The following OR3A2 variants were observed in gnomAD, a reference collection of about 807,000 sequenced individuals.
The protein encoded by OR3A2 is olfactory receptor family 3 subfamily A member 2.
For missense variants in OR3A2, 318 were observed against 392.8 expected (o/e 0.81, Z 1.61); for synonymous variants, 126 against 159.3 (o/e 0.79, Z 1.57).
At chr17:3,379,383 AG>A (rs1317979619) in intron 2 of OR3A2, among the ~76,000 whole-genome samples, 1 of 152,172 alleles carries the variant, frequency 6.6e-6, no homozygotes, top group Non-Finnish European at 1.5e-5. Context: ...CAGCTGGACA[AG>A]GCTGAGATCC....
chr17:3,358,150 T>TA lies in OR3A2; in HGVS notation c.-178-22025dup, dbSNP rs1444309067. 2.0e-5 allele frequency among the ~76,000 whole-genome samples: 3 copies of TA among 151,646 alleles called. 1 individual carries two copies. The highest frequency in any genetic ancestry group is 1.3e-4 in the Admixed American group (2 of 15,236). ...GGGCTGAATTATATCATATAACCAC[T>TA]AAAAAAATTAAATTAGCAATTTAAA... On this transcript the variant is annotated intron_variant, in intron 2 of 4. Transcript: ENST00000573491.
At chr17:3,276,278 T>C (rs1262782113), downstream of OR3A2, among the ~76,000 whole-genome samples, 1 of 152,184 alleles carries the variant, frequency 6.6e-6, no homozygotes, top group Non-Finnish European at 1.5e-5. Context: ...GTCTTCATTA[T>C]GTAAAAGATT....
chr17:3,332,444 G>T (rs1169100677), intron 3 of OR3A2, among the ~76,000 whole-genome samples: 1 of 152,244 alleles, frequency 6.6e-6, no homozygotes, highest in Non-Finnish European at 1.5e-5. Flanking sequence ...GCAATATTCG[G>T]GTGGGAGTGA....
At chr17:3,297,535 A>T (rs571812217) in intron 3 of OR3A2, among the ~76,000 whole-genome samples, 2 of 148,296 alleles carry the variant, frequency 1.3e-5, no homozygotes, top group East Asian at 1.9e-4. Context: ...CCCATCTCAT[A>T]TTCCTGTCCA....
At chr17:3,294,955 G>A (rs2048907487) in intron 3 of OR3A2, among the ~76,000 whole-genome samples, 1 of 151,936 alleles carries the variant, frequency 6.6e-6, no homozygotes, top group South Asian at 2.1e-4. Context: ...GTTTTGTTTT[G>A]TTTGTTTTTT....
intron 2 of OR3A2, among the ~76,000 whole-genome samples, chr17:3,379,252 T>C (rs533963125): frequency 6.6e-6 from 1 of 152,056 alleles, no homozygotes; most frequent in South Asian, 2.1e-4. Context: ...GAGAAACTGG[T>C]CCAGCCTGGG....
intron 2 of OR3A2, among the ~76,000 whole-genome samples, chr17:3,371,216 C>T (rs2049614365): frequency 6.6e-6 from 1 of 151,862 alleles, no homozygotes; most frequent in African/African-American, 2.4e-5. Context: ...CCCCTCACCT[C>T]CCGGGTGGGG....
intron 2 of OR3A2, among the ~76,000 whole-genome samples, chr17:3,364,261 A>G (rs982827995): frequency 6.6e-6 from 1 of 152,192 alleles, no homozygotes; most frequent in Non-Finnish European, 1.5e-5. Context: ...ATGGGGTATA[A>G]TATGTTTTGA....
At chr17:3,299,715 G>A (rs2048947172) in intron 3 of OR3A2, among the ~76,000 whole-genome samples, 1 of 152,124 alleles carries the variant, frequency 6.6e-6, no homozygotes, top group Admixed American at 6.5e-5. Context: ...GAAAAACACT[G>A]ACGTGGTGTA....
intron 2 of OR3A2, among the ~76,000 whole-genome samples, chr17:3,365,643 T>C (rs920684929): frequency 5.9e-5 from 9 of 152,178 alleles, no homozygotes; most frequent in African/African-American, 9.7e-5. Context: ...GTCTTGAACT[T>C]GGAACCCAAC....
chr17:3,308,734 G>A (rs1442609113), intron 3 of OR3A2, among the ~76,000 whole-genome samples: 1 of 152,010 alleles, frequency 6.6e-6, no homozygotes, highest in Non-Finnish European at 1.5e-5. Flanking sequence ...TTGACCCTCT[G>A]GAGACCTGAG....
At chr17:3,352,914 A>G (rs879361320) in intron 2 of OR3A2, among the ~76,000 whole-genome samples, 1 of 151,596 alleles carries the variant, frequency 6.6e-6, no homozygotes, top group Non-Finnish European at 1.5e-5. Context: ...TGTCCTGTTC[A>G]ATTTCTTTTA....
chr17:3,277,144 T>A (rs1461728394), downstream of OR3A2: 1 of 152,084 alleles, frequency 6.6e-6, no homozygotes, highest in Non-Finnish European at 1.5e-5. Flanking sequence ...GTCAGGATGG[T>A]CTCGATCTCC....
rs1423560717 is a variant in OR3A2, at chr17:3,281,366, TGGGACTACA to T, written c.-6-2452_-6-2444del. Among the ~76,000 whole-genome samples, 5 of 152,066 alleles carry T rather than the reference TGGGACTACA, an allele frequency of 3.3e-5. 1 individual carries two copies. The highest frequency in any genetic ancestry group is 4.4e-5 in the Non-Finnish European group (3 of 68,002). On this transcript the variant is annotated intron_variant, in intron 1 of 1. Transcript: ENST00000642052. Reference sequence around the variant, plus strand: ...CTCCTGCCTCAGCCTCCTCAGTAGCTGGGACTACAGGCATGCACCACCACGCCCAGCTAA... The same window carrying T: ...CTCCTGCCTCAGCCTCCTCAGTAGCTGGCATGCACCACCACGCCCAGCTAA...
At chr17:3,377,155 G>A (rs938592472) in intron 2 of OR3A2, among the ~76,000 whole-genome samples, 1 of 152,148 alleles carries the variant, frequency 6.6e-6, no homozygotes, top group African/African-American at 2.4e-5. Flanking sequence ...GTATCTTCCT[G>A]TAGTGATTCT....
At chr17:3,296,284 G>A (rs1355945277) in intron 3 of OR3A2, among the ~76,000 whole-genome samples, 1 of 151,906 alleles carries the variant, frequency 6.6e-6, no homozygotes, top group Non-Finnish European at 1.5e-5. Flanking sequence ...ATATCTGCAG[G>A]AGAAGAAAAA....
At chr17:3,377,327 G>A (rs1438728920) in intron 2 of OR3A2, among the ~76,000 whole-genome samples, 4 of 152,200 alleles carry the variant, frequency 2.6e-5, no homozygotes, top group Admixed American at 6.5e-5. Context: ...TCATGAAGCT[G>A]TTAGGAATAT....
upstream of OR3A2, among the ~76,000 whole-genome samples, chr17:3,289,149 A>G (rs1295583524): frequency 6.6e-6 from 1 of 152,154 alleles, no homozygotes; most frequent in African/African-American, 2.4e-5. Context: ...CTAAACATGA[A>G]ACTATTAACA....
At chr17:3,278,591 A>T in exon 2 of OR3A2, 1 of 1,605,212 alleles carries the variant, frequency 6.2e-7, no homozygotes, top group Admixed American at 1.7e-5. Context: ...TCCCAGCCAG[A>T]AGGTGGAAGA....
Sources: allele counts gnomAD v4.1 joint callset (sites outside exome capture counted in the v4.1 genomes callset), GRCh38; gene constraint gnomAD v4.1.1; transcripts MANE v1.5; gene names NCBI Gene and HGNC (gene_info 2026-07-23, HGNC 2026-07-21).